Variants in FAM184A observed in about 807,000 individuals in gnomAD.
FAM184A encodes the protein protein FAM184A.
A neutral mutation model predicts 143.8 loss-of-function variants in FAM184A; 99 were observed. The observed-to-expected ratio is 0.69, with a 90% CI of 0.58 to 0.81. The LOEUF (loss-of-function observed/expected upper bound fraction) is 0.81, where lower values mean the gene tolerates loss of function less well. FAM184A is among the 40% of genes least tolerant of loss of function. FAM184A has a pLI of 0.00. For missense variants in FAM184A, 1,217 were observed against 1,310.5 expected (o/e 0.93, Z 1.10); for synonymous variants, 427 against 446.4 (o/e 0.96, Z 0.55).
intron 1 of FAM184A, among the ~76,000 whole-genome samples, chr6:119,140,837 A>T (rs1406045015): frequency 1.3e-5 from 2 of 152,234 alleles, no homozygotes; most frequent in African/African-American, 2.4e-5. Flanking sequence ...TTTATTTTGC[A>T]TCGTGGTCTA....
intron 1 of FAM184A, among the ~76,000 whole-genome samples, chr6:119,031,955 G>A (rs1054337392): frequency 6.6e-6 from 1 of 152,108 alleles, no homozygotes; most frequent in Non-Finnish European, 1.5e-5. Flanking sequence ...AGTGAGTACA[G>A]ATATATAGAT....
chr6:119,051,291 A>C (rs1156719357), intron 1 of FAM184A, among the ~76,000 whole-genome samples: 1 of 152,228 alleles, frequency 6.6e-6, no homozygotes, highest in Admixed American at 6.5e-5. Context: ...CACAAAGACA[A>C]AACACTACGT....
At chr6:119,026,175 A>T (rs1391610237) in intron 1 of FAM184A, among the ~76,000 whole-genome samples, 1 of 152,190 alleles carries the variant, frequency 6.6e-6, no homozygotes, top group Non-Finnish European at 1.5e-5. Context: ...GATGGCAGGA[A>T]CCCATCTGTC....
intron 9 of FAM184A, 57 bp downstream of exon 9, chr6:119,002,842 C>A: frequency 7.0e-7 from 1 of 1,424,910 alleles, no homozygotes; most frequent in Non-Finnish European, 9.3e-7. Context: ...ACAATATTTG[C>A]CTAGCCAGAG....
intron 2 of FAM184A, 130 bp from the exon 3 acceptor site, chr6:119,023,210 G>GT: frequency 1.1e-6 from 1 of 873,256 alleles, no homozygotes; most frequent in South Asian, 1.9e-5. Context: ...TTTTAAATCT[G>GT]TAAGTATTAG....
intron 1 of FAM184A, among the ~76,000 whole-genome samples, chr6:119,146,442 T>TGTGTGTG (rs1772436939): frequency 9.5e-6 from 1 of 105,174 alleles, no homozygotes; most frequent in African/African-American, 3.7e-5. Context: ...GTGTGTGTGT[T>TGTGTGTG]TATTTGGAGA....
At chr6:119,128,937 A>ACTGT (rs1291866198) in intron 1 of FAM184A, among the ~76,000 whole-genome samples, 2 of 151,892 alleles carry the variant, frequency 1.3e-5, no homozygotes, top group African/African-American at 4.8e-5. Flanking sequence ...AATAAAAAAC[A>ACTGT]CTGTCTATTC....
intron 6 of FAM184A, among the ~76,000 whole-genome samples, chr6:119,010,871 TC>T (rs1185757988): frequency 6.6e-6 from 1 of 152,148 alleles, no homozygotes; most frequent in Non-Finnish European, 1.5e-5. Context: ...AGCTCTAACT[TC>T]CCTCTTTTCT....
chr6:118,984,029 A>T (rs773729209), intron 9 of FAM184A, among the ~76,000 whole-genome samples: 194 of 150,514 alleles, frequency 1.3e-3, no homozygotes, highest in Non-Finnish European at 2.5e-3. Flanking sequence ...GGGCGCCTGT[A>T]ATCCCAGCTA....
chr6:119,067,806 C>T (rs1787514357), intron 1 of FAM184A, among the ~76,000 whole-genome samples: 2 of 151,996 alleles, frequency 1.3e-5, no homozygotes, highest in Non-Finnish European at 2.9e-5. Flanking sequence ...GACTATATAT[C>T]CATCAGAAAA....
intron 1 of FAM184A, among the ~76,000 whole-genome samples, chr6:119,035,681 C>T (rs1467974442): frequency 1.3e-5 from 2 of 152,114 alleles, no homozygotes; most frequent in Non-Finnish European, 2.9e-5. Flanking sequence ...ATAAAACCTT[C>T]GTCTCCACAA....
intron 1 of FAM184A, among the ~76,000 whole-genome samples, chr6:119,109,934 A>G (rs1788888232): frequency 6.6e-6 from 1 of 152,208 alleles, no homozygotes; most frequent in Non-Finnish European, 1.5e-5. Flanking sequence ...CTCAATTAAA[A>G]AAGAAGCTAG....
intron 1 of FAM184A, among the ~76,000 whole-genome samples, chr6:119,074,342 C>T (rs924083908): frequency 1.3e-5 from 2 of 152,172 alleles, no homozygotes; most frequent in Non-Finnish European, 2.9e-5. Flanking sequence ...TGGTTTCCCC[C>T]TTGCAAGAGA....
intron 1 of FAM184A, among the ~76,000 whole-genome samples, chr6:119,045,840 T>C (rs1422637376): frequency 6.6e-6 from 1 of 152,222 alleles, no homozygotes; most frequent in Non-Finnish European, 1.5e-5. Flanking sequence ...GGGAAGTTAA[T>C]AAATATTTAA....
chr6:119,101,635 T>C (rs950314463), intron 1 of FAM184A, among the ~76,000 whole-genome samples: 11 of 152,196 alleles, frequency 7.2e-5, no homozygotes, highest in African/African-American at 2.7e-4. Flanking sequence ...ATACTAATAA[T>C]GCTTAAATTA....
In FAM184A at chr6:118,963,673, T is replaced by A. The variant is rs1005353337; in HGVS notation, c.3138+994A>T. On this transcript the variant is annotated intron_variant, in intron 16 of 17. Coordinates refer to ENST00000338891, the MANE Select transcript of FAM184A (RefSeq NM_024581.6). ...AGGCATGACGTGAAACTTAATAAAA[T>A]CTGAATTTGAAAAACAGCTTTGGAA... 2.0e-5 allele frequency: 3 copies of A among 152,164 alleles called. No homozygotes were observed. The East Asian group carries it at 5.8e-4, about 29-fold the overall frequency. The allele number at this position is 152,164 out of a possible 1,614,324, so 9.4% of individuals were successfully genotyped here.
intron 1 of FAM184A, among the ~76,000 whole-genome samples, chr6:119,073,514 G>C (rs1049527841): frequency 6.6e-6 from 1 of 152,200 alleles, no homozygotes; most frequent in Non-Finnish European, 1.5e-5. Flanking sequence ...CTAAAGAAGA[G>C]TGCTGAGATG....
intron 1 of FAM184A, among the ~76,000 whole-genome samples, chr6:119,055,710 A>G (rs891096258): frequency 1.2e-4 from 18 of 152,192 alleles, no homozygotes; most frequent in African/African-American, 4.3e-4. Context: ...AAAATCTCAT[A>G]TACTGCATTT....
chr6:118,974,085 A>T (rs1783775261), intron 14 of FAM184A, among the ~76,000 whole-genome samples: 1 of 152,184 alleles, frequency 6.6e-6, no homozygotes, highest in African/African-American at 2.4e-5. Context: ...ATAGGATCAT[A>T]GTATTCCTAT....
Sources: allele counts gnomAD v4.1 joint callset (sites outside exome capture counted in the v4.1 genomes callset), GRCh38; gene constraint gnomAD v4.1.1; transcripts MANE v1.5; gene names NCBI Gene and HGNC (gene_info 2026-07-23, HGNC 2026-07-21).